ADAMTS17: variants seen among roughly 807,000 people sequenced by gnomAD.
ADAMTS17 encodes the protein ADAM metallopeptidase with thrombospondin type 1 motif 17, also known as A disintegrin and metalloproteinase with thrombospondin motifs 17.
A neutral mutation model predicts 141.5 loss-of-function variants in ADAMTS17; 113 were observed. The observed-to-expected ratio is 0.80, with a 90% CI of 0.69 to 0.93. The LOEUF (loss-of-function observed/expected upper bound fraction) is 0.93, where lower values mean the gene tolerates loss of function less well. Among genes scored for constraint, ADAMTS17 ranks in the 40% least tolerant of loss-of-function variants. The pLI is 0.00. For missense variants in ADAMTS17, 1,659 were observed against 1,517.9 expected (o/e 1.09, Z -1.54); for synonymous variants, 768 against 630.6 (o/e 1.22, Z -3.27).
chr15:100,084,966 A>G (rs1026308661), intron 15 of ADAMTS17, among the ~76,000 whole-genome samples: 1 of 152,240 alleles, frequency 6.6e-6, no homozygotes, highest in African/African-American at 2.4e-5. Flanking sequence ...ACAGCTCCTC[A>G]CCAGCAATGG....
At chr15:100,015,088 GGACAAGACCTTTTACCATTATAT>G (rs2061261214) in intron 18 of ADAMTS17, among the ~76,000 whole-genome samples, 1 of 152,112 alleles carries the variant, frequency 6.6e-6, no homozygotes, top group East Asian at 1.9e-4. Context: ...TTTTCCTGTT[GGACAAGACCTTTTACCATTATAT>G]GATGTCTCAC....
chr15:100,000,216 C>T (rs546686444), intron 18 of ADAMTS17, among the ~76,000 whole-genome samples: 7 of 152,312 alleles, frequency 4.6e-5, no homozygotes, highest in African/African-American at 1.4e-4. Flanking sequence ...ACACTCAGCA[C>T]GAAGAGAATT....
At chr15:100,228,962 G>A (rs2042393803) in intron 7 of ADAMTS17, among the ~76,000 whole-genome samples, 1 of 152,212 alleles carries the variant, frequency 6.6e-6, no homozygotes. Flanking sequence ...AAGTTGGATA[G>A]TGCTTCCGTT....
intron 3 of ADAMTS17, among the ~76,000 whole-genome samples, chr15:100,317,033 A>G (rs1356043108): frequency 6.6e-6 from 1 of 152,200 alleles, no homozygotes; most frequent in Non-Finnish European, 1.5e-5. Context: ...TTAGAGTGAT[A>G]TGGTTGGGTT....
chr15:100,159,320 G>C (rs1352467365), intron 8 of ADAMTS17, among the ~76,000 whole-genome samples: 1 of 152,142 alleles, frequency 6.6e-6, no homozygotes, highest in African/African-American at 2.4e-5. Flanking sequence ...CAACAACATG[G>C]GTGAACCTTA....
chr15:100,164,472 G>T (rs2039866963), intron 8 of ADAMTS17, among the ~76,000 whole-genome samples: 2 of 152,190 alleles, frequency 1.3e-5, no homozygotes, highest in African/African-American at 4.8e-5. Flanking sequence ...AGAATACAGA[G>T]TTTACATTCT....
chr15:100,323,691 G>C (rs951996809), intron 3 of ADAMTS17, among the ~76,000 whole-genome samples: 1 of 152,088 alleles, frequency 6.6e-6, no homozygotes, highest in Non-Finnish European at 1.5e-5. Flanking sequence ...CCAGTTCTTC[G>C]AAAAGGTTAA....
At chr15:100,088,871 T>TA (rs200473679) in intron 15 of ADAMTS17, among the ~76,000 whole-genome samples, 49,956 of 151,970 alleles carry the variant, frequency 0.33, 10,502 homozygotes, top group East Asian at 0.58. Flanking sequence ...ATGTGAGACC[T>TA]AAACCAGAAA....
rs1313104595 is a variant in ADAMTS17, at chr15:100,137,893, ACCCACCCTTTCACTGCCAACACCAATG to A, written c.1474-4605_1474-4579del. 3.3e-5 allele frequency among the ~76,000 whole-genome samples: 5 copies of A among 151,662 alleles called. No individual in the cohort carries two copies. In the East Asian group the frequency reaches 5.8e-4, roughly 18 times the overall value. On this transcript the variant is annotated intron_variant, in intron 10 of 21. Transcript: ENST00000268070. ...CAACACCCACCCTTTCACTGCCAAC[ACCCACCCTTTCACTGCCAACACCAATG>A]CCCACCCTTTCACTGCCAACACCAA...
chr15:100,181,660 A>G (rs1229756755), intron 8 of ADAMTS17, among the ~76,000 whole-genome samples: 1 of 152,188 alleles, frequency 6.6e-6, no homozygotes, highest in Non-Finnish European at 1.5e-5. Flanking sequence ...CTGGTGCCCT[A>G]TCTTCCTGTG....
intron 14 of ADAMTS17, 46 bp from the exon 15 acceptor site, chr15:100,096,522 G>C: frequency 6.2e-7 from 1 of 1,613,324 alleles, no homozygotes; most frequent in African/African-American, 1.3e-5. Context: ...AGACTCAGAG[G>C]AGTTTTAAAG....
intron 7 of ADAMTS17, among the ~76,000 whole-genome samples, chr15:100,218,051 T>C (rs1268873740): frequency 6.6e-6 from 1 of 152,034 alleles, no homozygotes; most frequent in African/African-American, 2.4e-5. Context: ...CAGCTAATTT[T>C]CTGTAGATAC....
intron 15 of ADAMTS17, among the ~76,000 whole-genome samples, chr15:100,074,700 A>G (rs983285544): frequency 2.0e-5 from 3 of 151,962 alleles, no homozygotes; most frequent in African/African-American, 7.3e-5. Flanking sequence ...CCTTTGTTGG[A>G]TTCGGTTTTG....
At chr15:100,335,285 G>A (rs762708664) in intron 2 of ADAMTS17, among the ~76,000 whole-genome samples, 6 of 152,030 alleles carry the variant, frequency 3.9e-5, no homozygotes, top group Non-Finnish European at 8.8e-5. Context: ...TAATCCACAC[G>A]CCTGCCAGTT....
chr15:100,117,826 C>G (rs543787836), intron 12 of ADAMTS17, among the ~76,000 whole-genome samples: 1 of 152,314 alleles, frequency 6.6e-6, no homozygotes, highest in East Asian at 1.9e-4. Context: ...TTCTTATCCA[C>G]TCCCACCCCT....
At chr15:100,211,017 G>A (rs1478974414) in intron 7 of ADAMTS17, among the ~76,000 whole-genome samples, 4 of 151,874 alleles carry the variant, frequency 2.6e-5, no homozygotes, top group Non-Finnish European at 5.9e-5. Flanking sequence ...GGAGAATGGC[G>A]TGAATCTGGG....
At chr15:100,226,910 G>A (rs2042329019) in intron 7 of ADAMTS17, among the ~76,000 whole-genome samples, 1 of 152,220 alleles carries the variant, frequency 6.6e-6, no homozygotes, top group African/African-American at 2.4e-5. Context: ...CTAGAAAAAT[G>A]ACAATTTCAT....
At position 100,334,723 on chromosome 15, in the gene ADAMTS17, G is replaced by A. The variant is rs867882025; in HGVS notation, c.451-3669C>T. On this transcript the variant is annotated intron_variant, in intron 2 of 21. Coordinates refer to ENST00000268070, the MANE Select transcript of ADAMTS17 (RefSeq NM_139057.4). ...GGAGGGCCCCTCCCCCGGTCCCGCC[G>A]CCTCCTCGAATGTGAAATGCCTGAG... is the stretch of plus-strand genomic sequence containing the variant. Among the ~76,000 whole-genome samples, 5 of 152,236 alleles carry A rather than the reference G, an allele frequency of 3.3e-5. No homozygotes were observed. In the South Asian group the frequency reaches 6.2e-4, roughly 19 times the overall value.
intron 19 of ADAMTS17, among the ~76,000 whole-genome samples, chr15:99,996,622 A>T (rs2060808014): frequency 6.6e-6 from 1 of 152,240 alleles, no homozygotes; most frequent in African/African-American, 2.4e-5. Flanking sequence ...TGGGCGGAAT[A>T]CTTTTTTATT....
Sources: allele counts gnomAD v4.1 joint callset (sites outside exome capture counted in the v4.1 genomes callset), GRCh38; gene constraint gnomAD v4.1.1; transcripts MANE v1.5; gene names NCBI Gene and HGNC (gene_info 2026-07-23, HGNC 2026-07-21).